The following CFAP47 variants were observed in gnomAD, a reference collection of about 807,000 sequenced individuals.
The protein encoded by CFAP47 is cilia and flagella associated protein 47, also known as cilia- and flagella-associated protein 47.
Under a neutral mutation model 148.1 loss-of-function variants are expected in CFAP47, and 29 were observed. The ratio of observed to expected loss-of-function variants is 0.20; its 90% CI spans 0.15 to 0.27. The LOEUF (loss-of-function observed/expected upper bound fraction) is 0.27. CFAP47 is among the 10% of genes least tolerant of loss of function. The pLI is 1.00. For synonymous variants in CFAP47, 664 were observed against 577.3 expected (o/e 1.15, Z -2.15); for missense variants, 1,872 against 1,697.5 (o/e 1.10, Z -1.81).
chrX:36,372,648 A>G (rs1438801586), intron 62 of CFAP47, among the ~76,000 whole-genome samples: 6 of 111,887 alleles, frequency 5.4e-5, no homozygotes, highest in Non-Finnish European at 3.8e-5. Flanking sequence ...ACAATGGTAA[A>G]TATTTGTATA....
intron 29 of CFAP47, among the ~76,000 whole-genome samples, chrX:36,076,805 C>A (rs11797445): frequency 9.0e-6 from 1 of 110,999 alleles, no homozygotes. Flanking sequence ...GACATAAATT[C>A]TTTCCCAAGG....
intron 42 of CFAP47, among the ~76,000 whole-genome samples, chrX:36,198,837 C>A (rs1476813187): frequency 5.4e-5 from 6 of 111,310 alleles, no homozygotes; most frequent in Non-Finnish European, 1.1e-4. Context: ...CTTTGGAATG[C>A]CTTTGGCTGG....
intron 37 of CFAP47, among the ~76,000 whole-genome samples, chrX:36,150,764 A>G (rs1939298734): frequency 9.0e-6 from 1 of 111,391 alleles, no homozygotes; most frequent in East Asian, 2.8e-4. Flanking sequence ...TCTTAATTCA[A>G]CCTAAAGTAA....
intron 33 of CFAP47, among the ~76,000 whole-genome samples, chrX:36,135,115 A>G (rs887270574): frequency 3.6e-5 from 4 of 110,444 alleles, no homozygotes; most frequent in African/African-American, 9.9e-5. Context: ...GAATGATACA[A>G]TGGACTTTGG....
intron 58 of CFAP47, among the ~76,000 whole-genome samples, chrX:36,349,137 G>A (rs782714412): frequency 8.9e-6 from 1 of 111,803 alleles, no homozygotes; most frequent in African/African-American, 3.2e-5. Flanking sequence ...AAGCTTGAAG[G>A]CCTTCTAAGG....
intron 33 of CFAP47, among the ~76,000 whole-genome samples, chrX:36,124,050 C>T (rs777371849): frequency 1.8e-5 from 2 of 111,454 alleles, no homozygotes; most frequent in South Asian, 3.8e-4. Context: ...AGTGGGTTCC[C>T]TTCTGGCTCT....
intron 55 of CFAP47, among the ~76,000 whole-genome samples, chrX:36,310,018 G>A (rs1556009594): frequency 1.8e-5 from 2 of 110,482 alleles, no homozygotes; most frequent in Non-Finnish European, 3.8e-5. Context: ...CTTCAAGCAA[G>A]TTTCCCTCTT....
chrX:35,989,597 A>G (rs984618164), intron 16 of CFAP47, 148 bp downstream of exon 16: 2 of 1,119,439 alleles, frequency 1.8e-6, no homozygotes, highest in African/African-American at 1.8e-5. Context: ...TAGAGCCTCT[A>G]TAAATATGTA....
rs923273709 is a variant in CFAP47 at position 36,201,631 on chromosome X, C to T, written c.6663+131C>T. ...TTTTAGAAGGAAAAGTAATGAGTAC[C>T]GAAGGACAGCTCAGTTGTCATTTTT... On this transcript the variant is annotated intron_variant, in intron 44 of 63. Transcript: ENST00000378653. The T allele has an allele frequency of 1.2e-4, 32 of 278,245 alleles. 1 individual carries two copies. Among genetic ancestry groups the T allele is most frequent in the African/African-American group, 8.1e-4 (29 of 35,870 alleles). The allele number at this position is 278,245 out of a possible 1,213,427, so 22.9% of individuals were successfully genotyped here.
intron 56 of CFAP47, among the ~76,000 whole-genome samples, chrX:36,317,697 C>T (rs1196485382): frequency 4.6e-5 from 5 of 109,822 alleles, no homozygotes; most frequent in African/African-American, 1.7e-4. Flanking sequence ...GGATTACAGG[C>T]GTGAGCCGCC....
At chrX:36,151,193 T>C (rs11095430) in intron 37 of CFAP47, among the ~76,000 whole-genome samples, 4,047 of 112,116 alleles carry the variant, frequency 0.036, 207 homozygotes, top group African/African-American at 0.12. Flanking sequence ...ATATTTGTTA[T>C]TTTTATTATA....
rs1482941339 is a variant in CFAP47 at position 36,379,263 on chromosome X, G to C, written c.9186-87G>C. 2.0e-4 allele frequency: 165 copies of C among 833,362 alleles called. 1 individual carries two copies. Among genetic ancestry groups the C allele is most frequent in the Non-Finnish European group, 2.5e-4 (142 of 575,873 alleles). The allele number at this position is 833,362 out of a possible 1,213,427, so 68.7% of individuals were successfully genotyped here. On this transcript the variant is annotated intron_variant, in intron 62 of 63. Coordinates refer to ENST00000378653, the MANE Select transcript of CFAP47 (RefSeq NM_001304548.2). ...AATGTTAACCAGGCCTATTGCAGCA[G>C]GATTCAAATTCTACTCATCAAGTTC... is the stretch of plus-strand genomic sequence containing the variant.
chrX:35,997,992 C>A (rs1462817918), intron 19 of CFAP47, among the ~76,000 whole-genome samples: 1 of 110,760 alleles, frequency 9.0e-6, no homozygotes, highest in African/African-American at 3.3e-5. Context: ...CATTTATATG[C>A]TTATCTTCTG....
chrX:36,045,889 G>T (rs1006468310), intron 25 of CFAP47, among the ~76,000 whole-genome samples: 1 of 111,499 alleles, frequency 9.0e-6, no homozygotes, highest in Non-Finnish European at 1.9e-5. Flanking sequence ...AATATGAGAG[G>T]TACTGAAGAA....
chrX:36,046,043 A>T (rs1937461638), intron 25 of CFAP47, among the ~76,000 whole-genome samples: 1 of 111,489 alleles, frequency 9.0e-6, no homozygotes, highest in African/African-American at 3.2e-5. Flanking sequence ...TTTTTATTCA[A>T]GGTAGCGTAT....
intron 48 of CFAP47, among the ~76,000 whole-genome samples, chrX:36,244,877 G>A (rs1205291230): frequency 9.0e-6 from 1 of 111,233 alleles, no homozygotes; most frequent in African/African-American, 3.3e-5. Context: ...GCATTAACCT[G>A]ATGCCAAAAT....
At position 35,919,995 on chromosome X, in the gene CFAP47, A is replaced by G; in HGVS notation, c.196A>G (p.Asn66Asp). 2 of 1,202,476 alleles carry G rather than the reference A, an allele frequency of 1.7e-6. No individual in the cohort carries two copies. The highest frequency in any genetic ancestry group is 1.1e-6 in the Non-Finnish European group (1 of 889,180). The change falls in exon 1 of 64, where the codon AAT becomes GAT. Residue 66 changes from asparagine (N) to aspartate (D), a missense_variant. Coordinates refer to ENST00000378653, the MANE Select transcript of CFAP47 (RefSeq NM_001304548.2). ...RVYRLPITVH[N>D]ICRWNQKIRF... ...GTACCGCCTCCCGATTACTGTGCAT[A>G]ATATTTGCCGCTGGAACCAGAAAAT...
At chrX:36,043,302 T>C (rs1324136973) in intron 25 of CFAP47, among the ~76,000 whole-genome samples, 1 of 112,339 alleles carries the variant, frequency 8.9e-6, no homozygotes, top group Non-Finnish European at 1.9e-5. Flanking sequence ...TCAAAAGCAA[T>C]CATGTCTTCC....
chrX:36,232,756 C>G (rs1472745821), intron 46 of CFAP47, among the ~76,000 whole-genome samples: 2 of 111,770 alleles, frequency 1.8e-5, no homozygotes, highest in Non-Finnish European at 3.8e-5. Context: ...GCATTTAGTG[C>G]TATAAATTTC....
Sources: gnomAD v4.1 joint callset for allele counts (sites outside exome capture counted in the v4.1 genomes callset) on GRCh38, gnomAD v4.1.1 for gene constraint, MANE v1.5 for transcripts, NCBI Gene and HGNC (gene_info 2026-07-23, HGNC 2026-07-21) for gene names.